CELF2: variants seen among roughly 807,000 people sequenced by gnomAD.
The protein encoded by CELF2 is CUG triplet repeat RNA-binding protein 2.
In CELF2, 8 loss-of-function variants were observed where a neutral mutation model predicts 62.6. The observed-to-expected ratio is 0.13, with a 90% CI of 0.07 to 0.23. The LOEUF (loss-of-function observed/expected upper bound fraction) is 0.23. CELF2 is among the 10% of genes least tolerant of loss of function. CELF2 has a pLI of 1.00. For missense variants in CELF2, 333 were observed against 671.0 expected, an observed-to-expected ratio of 0.50 and a Z score of 5.56; for synonymous variants, 258 against 250.0, an observed-to-expected ratio of 1.03 and a Z score of -0.30.
intron 1 of CELF2, among the ~76,000 whole-genome samples, chr10:11,111,718 T>C (rs944627234): frequency 6.6e-6 from 1 of 152,228 alleles, no homozygotes; most frequent in African/African-American, 2.4e-5. Context: ...CATCTTCCTG[T>C]GCTATGTCTT....
At chr10:10,911,417 A>G (rs1591812140) in intron 1 of CELF2, among the ~76,000 whole-genome samples, 2 of 152,236 alleles carry the variant, frequency 1.3e-5, no homozygotes, top group Non-Finnish European at 1.5e-5. Flanking sequence ...GGACTCCCCA[A>G]GTGAAAATGA....
chr10:10,681,052 C>T, the CELF2 span, among the ~76,000 whole-genome samples: 34,598 of 151,694 alleles, frequency 0.23, 4,143 homozygotes, highest in South Asian at 0.43. Context: ...TTTATTTATT[C>T]TGTATTGAAT....
In CELF2 at chr10:11,189,469, T is replaced by A. The variant is rs565933245; in HGVS notation, c.271+23787T>A. ...ATGTAATCGTTGATAAAATTTGGTT[T>A]AGGTCTCTAATCTCACTGAGGGTTT... On this transcript the variant is annotated intron_variant, in intron 2 of 12. Transcript: ENST00000633077. Among the ~76,000 whole-genome samples, 3 of 152,346 alleles carry A rather than the reference T, an allele frequency of 2.0e-5. No homozygotes were observed. In the South Asian group the frequency reaches 6.2e-4, roughly 32 times the overall value.
intron 2 of CELF2, among the ~76,000 whole-genome samples, chr10:10,980,749 A>C (rs1182009390): frequency 1.3e-5 from 2 of 152,066 alleles, no homozygotes; most frequent in Non-Finnish European, 2.9e-5. Flanking sequence ...ACATCTATAA[A>C]ATATCCCTTA....
At chr10:11,014,631 T>C (rs1196995049), upstream of CELF2, among the ~76,000 whole-genome samples, 2 of 152,184 alleles carry the variant, frequency 1.3e-5, no homozygotes, top group African/African-American at 2.4e-5. Context: ...GTGTGTTTTT[T>C]TTTTAATGCC....
chr10:11,049,558 TAAAAAA>T (rs368708381), intron 1 of CELF2, among the ~76,000 whole-genome samples: 4,868 of 96,916 alleles, frequency 0.05, 271 homozygotes, highest in African/African-American at 0.15. Context: ...CTTTCTTTAG[TAAAAAA>T]AAAAAAAAAA....
the CELF2 span, among the ~76,000 whole-genome samples, chr10:10,541,038 T>G: frequency 1.3e-5 from 2 of 150,992 alleles, no homozygotes; most frequent in African/African-American, 4.9e-5. Flanking sequence ...GGTCAGGAGA[T>G]CGAGACCATC....
the CELF2 span, among the ~76,000 whole-genome samples, chr10:10,541,267 C>CACACATAT: frequency 1.3e-3 from 188 of 148,422 alleles, no homozygotes; most frequent in African/African-American, 4.5e-3. Flanking sequence ...AAAAGACCCA[C>CACACATAT]ACACATATAA....
At chr10:10,664,519 A>G in the CELF2 span, among the ~76,000 whole-genome samples, 1 of 152,242 alleles carries the variant, frequency 6.6e-6, no homozygotes, top group Non-Finnish European at 1.5e-5. Context: ...TTGCAAAGGA[A>G]CAAACAAAAG....
chr10:11,299,964 C>A (rs560402698), intron 9 of CELF2, among the ~76,000 whole-genome samples: 1 of 152,136 alleles, frequency 6.6e-6, no homozygotes, highest in Non-Finnish European at 1.5e-5. Context: ...TCATTTGCCC[C>A]GCTCGTAGGA....
At chr10:11,236,814 A>G (rs2071513026) in intron 3 of CELF2, among the ~76,000 whole-genome samples, 2 of 152,232 alleles carry the variant, frequency 1.3e-5, no homozygotes, top group African/African-American at 4.8e-5. Flanking sequence ...GTGTACGTGC[A>G]TGAGAAGGGT....
intron 1 of CELF2, chr10:11,018,728 G>T (rs1427679971): frequency 6.5e-6 from 1 of 153,270 alleles, no homozygotes; most frequent in African/African-American, 2.4e-5. Context: ...TCCGGGCGGG[G>T]TGCGCGCGTG....
intron 1 of CELF2, among the ~76,000 whole-genome samples, chr10:11,091,206 C>T (rs926069919): frequency 6.6e-6 from 1 of 152,132 alleles, no homozygotes; most frequent in Non-Finnish European, 1.5e-5. Context: ...CTCCCAGTCC[C>T]CGACAAACAC....
chr10:10,506,091 TA>T, the CELF2 span, among the ~76,000 whole-genome samples: 4 of 147,922 alleles, frequency 2.7e-5, no homozygotes, highest in Non-Finnish European at 6.0e-5. Context: ...TTTTTTTTTT[TA>T]AAGTTTTACT....
chr10:11,101,083 A>G (rs1321757052), intron 1 of CELF2, among the ~76,000 whole-genome samples: 1 of 152,192 alleles, frequency 6.6e-6, no homozygotes, highest in Non-Finnish European at 1.5e-5. Flanking sequence ...GGAAATCAAT[A>G]GGATATTATG....
the CELF2 span, among the ~76,000 whole-genome samples, chr10:10,605,508 G>A: frequency 2.6e-5 from 4 of 152,310 alleles, no homozygotes; most frequent in East Asian, 3.9e-4. Context: ...AACCTCTGTC[G>A]TTATAGCTGA....
At chr10:10,789,166 C>T in the CELF2 span, 1 of 152,214 alleles carries the variant, frequency 6.6e-6, no homozygotes, top group South Asian at 2.1e-4. Context: ...CTTCCCTGTC[C>T]ACAGTACCTC....
rs535355282 is a variant in CELF2 at position 11,223,859 on chromosome 10, A to G, written c.354+6352A>G. On this transcript the variant is annotated intron_variant, in intron 3 of 12. Coordinates refer to ENST00000633077, the MANE Select transcript of CELF2 (RefSeq NM_001326342.2). The surrounding 1 kb of genome is among the most constrained non-coding windows in gnomAD (Gnocchi z 5.1). ...TTCTGCAGGCCCAGGCCCCAGGGCA[A>G]TGGGAAAGTATATTTTAATGCTTAA... 1.3e-5 allele frequency among the ~76,000 whole-genome samples: 2 copies of G among 152,334 alleles called. No individual in the cohort carries two copies. The highest frequency in any genetic ancestry group is 4.1e-4 in the South Asian group (2 of 4,832).
the CELF2 span, among the ~76,000 whole-genome samples, chr10:10,774,304 G>A: frequency 1.3e-5 from 2 of 152,182 alleles, no homozygotes; most frequent in Non-Finnish European, 2.9e-5. Flanking sequence ...TGTAGGGGCG[G>A]CCGTGCACTA....
Sources: gnomAD v4.1 joint callset for allele counts (sites outside exome capture counted in the v4.1 genomes callset) on GRCh38, gnomAD v4.1.1 for gene constraint, Gnocchi (gnomAD v3.1) non-coding constraint, MANE v1.5 for transcripts, NCBI Gene and HGNC (gene_info 2026-07-23, HGNC 2026-07-21) for gene names.